The following MYLK variants were observed in gnomAD, a reference collection of about 807,000 sequenced individuals.
MYLK encodes myosin light chain kinase, smooth muscle.
Under a neutral mutation model 203.4 loss-of-function variants are expected in MYLK, and 106 were observed. The observed-to-expected ratio is 0.52, with a 90% CI of 0.45 to 0.61. MYLK has a LOEUF of 0.61. Ranked by LOEUF, MYLK falls within the 20% of genes least tolerant of loss-of-function variation. MYLK has a pLI of 0.00. For synonymous variants in MYLK, 867 were observed against 959.5 expected (o/e 0.90, Z 1.78); for missense variants, 2,072 against 2,442.3 (o/e 0.85, Z 3.20).
chr3:123,692,740 A>G lies in MYLK; in HGVS notation c.3560T>C (p.Val1187Ala). 6.2e-7 allele frequency: 1 copy of G among 1,613,314 alleles called. No homozygotes were observed. Among genetic ancestry groups the G allele is most frequent in the Non-Finnish European group, 8.5e-7 (1 of 1,179,374 alleles). Reference protein sequence around the residue: ...GQAECSCQVTVDDAPASENTK... With the variant: ...GQAECSCQVTADDAPASENTK... ...GATGGGTGGGCACGACCTACCATCCACGGTGACTTGGCAGGAGCACTCCGC... is the reference window on the plus strand; with the variant it reads ...GATGGGTGGGCACGACCTACCATCCGCGGTGACTTGGCAGGAGCACTCCGC... The change falls in exon 19 of 34, where the codon GTG becomes GCG. Residue 1187 changes from valine to alanine, a missense_variant. By Grantham distance (64) the Val-to-Ala change is moderately conservative. Coordinates refer to ENST00000360304, the MANE Select transcript of MYLK (RefSeq NM_053025.4).
chr3:123,704,618 T>C (rs1427673725), intron 16 of MYLK, among the ~76,000 whole-genome samples: 1 of 151,968 alleles, frequency 6.6e-6, no homozygotes, highest in African/African-American at 2.4e-5. Flanking sequence ...AAAGAACTAA[T>C]TTCGGCCGGG....
At chr3:123,789,274 C>T (rs561173613) in intron 4 of MYLK, among the ~76,000 whole-genome samples, 3 of 152,226 alleles carry the variant, frequency 2.0e-5, no homozygotes, top group South Asian at 2.1e-4. Flanking sequence ...ACACAGAGCG[C>T]GCGTCTGAAT....
chr3:123,778,361 A>C (rs1345565474), intron 4 of MYLK, among the ~76,000 whole-genome samples: 1 of 151,978 alleles, frequency 6.6e-6, no homozygotes, highest in Non-Finnish European at 1.5e-5. Context: ...AAAATACAAA[A>C]AATTAGCCGA....
In MYLK at chr3:123,752,542, C is replaced by A. The variant is rs1361252344; in HGVS notation, c.166-4G>T. 3.1e-6 allele frequency: 5 copies of A among 1,611,108 alleles called. No individual in the cohort carries two copies. The highest frequency in any genetic ancestry group is 4.2e-6 in the Non-Finnish European group (5 of 1,179,122). ...GGGGCTCTGGGTAACCCCGGACCTT[C>A]AAGAAAAAGAAGAAAGGGTAAGAGC... On this transcript the variant is annotated splice_polypyrimidine_tract_variant and splice_region_variant and intron_variant, in intron 4 of 33. Coordinates refer to ENST00000360304, the MANE Select transcript of MYLK (RefSeq NM_053025.4).
At chr3:123,673,739 C>T (rs1375305520) in intron 20 of MYLK, among the ~76,000 whole-genome samples, 2 of 152,188 alleles carry the variant, frequency 1.3e-5, no homozygotes, top group African/African-American at 4.8e-5. Context: ...CTGTGTCTCT[C>T]ATCCTCTTCT....
intron 11 of MYLK, among the ~76,000 whole-genome samples, chr3:123,730,015 C>T (rs1223913875): frequency 6.6e-6 from 1 of 151,998 alleles, no homozygotes; most frequent in Non-Finnish European, 1.5e-5. Context: ...TCACTCAAGT[C>T]TAGGGGTTTG....
At chr3:123,840,582 T>G (rs995705630) in intron 2 of MYLK, among the ~76,000 whole-genome samples, 1 of 151,492 alleles carries the variant, frequency 6.6e-6, no homozygotes, top group Non-Finnish European at 1.5e-5. Flanking sequence ...TTACTTGATA[T>G]GAAAATAAGA....
Position 123,786,972 on chromosome 3 carries a change from TTGTC to T in MYLK, c.165+6701_165+6704del, listed in dbSNP as rs558269514. Reference sequence around the variant, plus strand: ...GGGCTAAGGCAAATAACTTTTAACTTTGTCTGAATTTTTGTTTTAAAAATAGTTT... The same window carrying T: ...GGGCTAAGGCAAATAACTTTTAACTTTGAATTTTTGTTTTAAAAATAGTTT... On this transcript the variant is annotated intron_variant, in intron 4 of 33. Coordinates refer to ENST00000360304, the MANE Select transcript of MYLK (RefSeq NM_053025.4). Among the ~76,000 whole-genome samples the T allele has an allele frequency of 2.6e-3, 397 of 152,262 alleles. 6 individuals carry two copies. The highest frequency in any genetic ancestry group is 0.02 in the Middle Eastern group (6 of 294).
At chr3:123,851,652 G>A (rs2030818513) in intron 2 of MYLK, among the ~76,000 whole-genome samples, 2 of 152,128 alleles carry the variant, frequency 1.3e-5, no homozygotes, top group African/African-American at 2.4e-5. Context: ...GGGCTGAGAC[G>A]ATGGGGTTTT....
In MYLK at chr3:123,725,943, C is replaced by T. The variant is rs1560135856; in HGVS notation, c.1651+1G>A. 1 of 1,613,690 alleles carries T rather than the reference C, an allele frequency of 6.2e-7. No homozygotes were observed. Among genetic ancestry groups the T allele is most frequent in the South Asian group, 1.1e-5 (1 of 91,022 alleles). ...AGAGAGCTGGGGCAGGGGGAACTCA[C>T]CATTCAGCAGCCAAGTGATCCGGGG... On this transcript the variant is annotated splice_donor_variant, in intron 12 of 33. Coordinates refer to ENST00000360304, the MANE Select transcript of MYLK (RefSeq NM_053025.4). LOFTEE classifies it high-confidence loss of function.
chr3:123,631,873 CTT>C (rs11391919), intron 29 of MYLK, among the ~76,000 whole-genome samples: 17 of 140,298 alleles, frequency 1.2e-4, no homozygotes, highest in South Asian at 2.3e-4. Flanking sequence ...TCTCCTTTTT[CTT>C]TTTTTTTTTT....
At chr3:123,825,445 C>A (rs2066083815) in intron 3 of MYLK, among the ~76,000 whole-genome samples, 1 of 152,210 alleles carries the variant, frequency 6.6e-6, no homozygotes, top group African/African-American at 2.4e-5. Flanking sequence ...CACCGGTCCC[C>A]ACTGGCATTG....
chr3:123,628,017 C>T (rs997149405), intron 30 of MYLK, among the ~76,000 whole-genome samples: 1 of 152,202 alleles, frequency 6.6e-6, no homozygotes, highest in African/African-American at 2.4e-5. Flanking sequence ...ACCAGAGTTA[C>T]TGAGGAGGTT....
At chr3:123,692,159 G>T in intron 19 of MYLK, 1 of 277,006 alleles carries the variant, frequency 3.6e-6, no homozygotes, top group Non-Finnish European at 5.8e-6. Flanking sequence ...CTAAGACCTG[G>T]CAGGCCTGCT....
chr3:123,797,878 C>T (rs945747653), intron 3 of MYLK, among the ~76,000 whole-genome samples: 3 of 152,186 alleles, frequency 2.0e-5, no homozygotes, highest in South Asian at 2.1e-4. Context: ...AAGGGATGCC[C>T]GTCTCTCCAC....
At chr3:123,825,981 CA>C (rs1234646620) in intron 3 of MYLK, among the ~76,000 whole-genome samples, 1 of 152,238 alleles carries the variant, frequency 6.6e-6, no homozygotes. Flanking sequence ...CATCCACACT[CA>C]GGACCTGAGA....
chr3:123,629,397 A>C lies in MYLK; in HGVS notation c.5114+77T>G. 6.3e-7 allele frequency: 1 copy of C among 1,584,288 alleles called. No individual in the cohort carries two copies. Among genetic ancestry groups the C allele is most frequent in the Non-Finnish European group, 8.6e-7 (1 of 1,156,946 alleles). On this transcript the variant is annotated intron_variant, in intron 30 of 33. Transcript: ENST00000360304. The surrounding 1 kb of genome is among the most constrained non-coding windows in gnomAD (Gnocchi z 4.4). The stretch of plus-strand genomic sequence containing the variant: ...GGGGTGGCAAGGAGGGCACCCCAAC[A>C]GGCAAAGGAATCCCCCTTTGCTTCC...
chr3:123,693,079 C>T (rs2060748936), intron 18 of MYLK, among the ~76,000 whole-genome samples: 1 of 152,220 alleles, frequency 6.6e-6, no homozygotes, highest in Non-Finnish European at 1.5e-5. Context: ...GATACCTCCT[C>T]CCCCACTCCA....
intron 4 of MYLK, among the ~76,000 whole-genome samples, chr3:123,760,502 A>G (rs1439750816): frequency 6.6e-6 from 1 of 152,228 alleles, no homozygotes; most frequent in African/African-American, 2.4e-5. Context: ...TAACTGAGAT[A>G]GCACATGTAC....
Sources: allele counts gnomAD v4.1 joint callset (sites outside exome capture counted in the v4.1 genomes callset), GRCh38; gene constraint gnomAD v4.1.1; non-coding constraint Gnocchi (gnomAD v3.1); transcripts MANE v1.5; gene names NCBI Gene and HGNC (gene_info 2026-07-23, HGNC 2026-07-21).